Variants in RBM34 observed in about 807,000 individuals in gnomAD.
RBM34 encodes RNA binding motif protein 34.
Under a neutral mutation model 44.6 loss-of-function variants are expected in RBM34, and 39 were observed. That is an observed-to-expected ratio of 0.87 (90% confidence interval 0.68 to 1.14). The LOEUF (loss-of-function observed/expected upper bound fraction) is 1.14. Among genes scored for constraint, RBM34 ranks in the 50% most tolerant of loss-of-function variants. RBM34 has a pLI of 0.00. For synonymous variants in RBM34, 194 were observed against 184.0 expected (o/e 1.05, Z -0.44); for missense variants, 572 against 517.9 (o/e 1.10, Z -1.01).
At chr1:235,140,715 A>T (rs7533727) in intron 6 of RBM34, among the ~76,000 whole-genome samples, 25 of 152,376 alleles carry the variant, frequency 1.6e-4, no homozygotes, top group African/African-American at 6.0e-4. Context: ...CTCCACCTGC[A>T]GCCCCGGTGC....
intron 6 of RBM34, among the ~76,000 whole-genome samples, chr1:235,142,176 C>T (rs1025963934): frequency 1.3e-5 from 2 of 152,182 alleles, no homozygotes; most frequent in Admixed American, 6.5e-5. Context: ...GGGAAAAAAG[C>T]CCTGATCAGG....
intron 3 of RBM34, among the ~76,000 whole-genome samples, chr1:235,158,054 T>C (rs1662525615): frequency 6.8e-6 from 1 of 148,084 alleles, no homozygotes; most frequent in African/African-American, 2.5e-5. Flanking sequence ...ATGGGTTTTT[T>C]TTTTTGGCGG....
chr1:235,142,294 T>C (rs566140031), intron 6 of RBM34, among the ~76,000 whole-genome samples: 1 of 152,268 alleles, frequency 6.6e-6, no homozygotes, highest in African/African-American at 2.4e-5. Context: ...TTTTTTTATT[T>C]TGAGACGGAG....
chr1:235,142,956 T>C (rs1028713330), intron 6 of RBM34, among the ~76,000 whole-genome samples: 1 of 137,870 alleles, frequency 7.3e-6, no homozygotes, highest in Non-Finnish European at 1.6e-5. Context: ...AAGACACCTC[T>C]AAAAAAGCCA....
At chr1:235,135,476 G>A (rs1383640096) in intron 10 of RBM34, among the ~76,000 whole-genome samples, 176 bp downstream of exon 10, 3 of 151,866 alleles carry the variant, frequency 2.0e-5, no homozygotes, top group East Asian at 1.9e-4. Flanking sequence ...AGATTCACCC[G>A]TCTCGGCCTC....
intron 6 of RBM34, among the ~76,000 whole-genome samples, chr1:235,144,200 AAAAC>A (rs759131381): frequency 6.6e-6 from 1 of 152,080 alleles, no homozygotes; most frequent in Non-Finnish European, 1.5e-5. Flanking sequence ...CCCCCACAAA[AAAAC>A]AAACCTCAAA....
At chr1:235,140,325 C>G (rs1293583004) in intron 6 of RBM34, among the ~76,000 whole-genome samples, 1 of 152,130 alleles carries the variant, frequency 6.6e-6, no homozygotes, top group Non-Finnish European at 1.5e-5. Flanking sequence ...GCGGCGCTTG[C>G]GGGCCAGCTG....
chr1:235,147,046 CATA>C (rs1273574312), intron 6 of RBM34, among the ~76,000 whole-genome samples: 2 of 152,120 alleles, frequency 1.3e-5, no homozygotes, highest in African/African-American at 4.8e-5. Context: ...GCCTGAAAAA[CATA>C]ATGAGACTCT....
At chr1:235,157,574 G>C (rs1662504470) in intron 3 of RBM34, among the ~76,000 whole-genome samples, 2 of 152,176 alleles carry the variant, frequency 1.3e-5, no homozygotes, top group African/African-American at 4.8e-5. Context: ...TCAGGAGAGA[G>C]ATCACGGTGG....
chr1:235,160,669 T>C (rs974586672), intron 2 of RBM34, 22 bp from the exon 3 acceptor site: 5 of 1,606,338 alleles, frequency 3.1e-6, no homozygotes, highest in South Asian at 1.1e-5. Context: ...TTTGAAGTTA[T>C]ATTTGAGACC....
At chr1:235,132,306 TTTTTTTC>T (rs1661240893) in intron 10 of RBM34, among the ~76,000 whole-genome samples, 1 of 152,168 alleles carries the variant, frequency 6.6e-6, no homozygotes, top group Non-Finnish European at 1.5e-5. Context: ...CAATATTGGC[TTTTTTTC>T]TTTTTTCTTT....
At position 235,135,709 on chromosome 1, in the gene RBM34, C is replaced by G. The variant is rs1558136776; in HGVS notation, c.951G>C (p.Arg317Ser). Residue 317 changes from arginine to serine, a missense_variant, in exon 10 of 11, where the codon AGG becomes AGC. Transcript: ENST00000408888. ...TGCCTGTCATTTTGTCTCTCACAAT[C>G]CTCACGGCCATGATACTTCCACAGT... ...FLDCGSIMAV[R>S]IVRDKMTGIG... is the part of the protein sequence containing the mutation. 6.2e-7 allele frequency: 1 copy of G among 1,614,232 alleles called. No homozygotes were observed. Among genetic ancestry groups the G allele is most frequent in the Middle Eastern group, 1.6e-4 (1 of 6,062 alleles).
rs575914432 is a variant in RBM34 at position 235,157,920 on chromosome 1, C to T, written c.365+2591G>A. On this transcript the variant is annotated intron_variant, in intron 3 of 10. Coordinates refer to ENST00000408888, the MANE Select transcript of RBM34 (RefSeq NM_015014.4). ...AATAAAACCCACCACCACCAGAATC[C>T]AAGTGCGTGGAAGGGTGAACAGATC... is the stretch of plus-strand genomic sequence containing the variant. Among the ~76,000 whole-genome samples the T allele has an allele frequency of 2.8e-4, 42 of 152,228 alleles. 1 individual carries two copies. Among genetic ancestry groups the T allele is most frequent in the African/African-American group, 9.6e-4 (40 of 41,546 alleles).
At chr1:235,155,836 T>C (rs1456254177) in intron 3 of RBM34, among the ~76,000 whole-genome samples, 6 of 22,894 alleles carry the variant, frequency 2.6e-4, no homozygotes, top group African/African-American at 4.5e-4. Context: ...TATATATATA[T>C]ATATATATAT....
rs1011051309 is a variant in RBM34, at chr1:235,138,074, C to T, written c.785+17G>A. On this transcript the variant is annotated intron_variant, in intron 7 of 10. Transcript: ENST00000408888. ...TATAGGACAATTATTCTGTTCAAAC[C>T]TAAGGGATAAAATTACCTTTTCAAT... The T allele has an allele frequency of 1.9e-6, 3 of 1,590,538 alleles. No homozygotes were observed. Among genetic ancestry groups the T allele is most frequent in the Non-Finnish European group, 2.6e-6 (3 of 1,163,850 alleles).
intron 6 of RBM34, among the ~76,000 whole-genome samples, chr1:235,145,656 G>A (rs112129265): frequency 6.6e-6 from 1 of 152,188 alleles, no homozygotes; most frequent in Non-Finnish European, 1.5e-5. Flanking sequence ...ATCTCTACGA[G>A]ACAGCAGTCA....
intron 6 of RBM34, among the ~76,000 whole-genome samples, chr1:235,139,818 C>G (rs956918993): frequency 2.6e-5 from 4 of 152,228 alleles, no homozygotes; most frequent in Non-Finnish European, 5.9e-5. Context: ...AGCACTGGCT[C>G]TTCTGGCTCT....
In RBM34 at chr1:235,137,883, G is replaced by A; in HGVS notation, c.843C>T (p.Thr281=). 4 of 1,595,290 alleles carry A rather than the reference G, an allele frequency of 2.5e-6. No individual in the cohort carries two copies. Among genetic ancestry groups the A allele is most frequent in the Middle Eastern group, 1.7e-4 (1 of 5,860 alleles). The change falls in exon 8 of 11, where the codon ACC becomes ACT. Residue 281 remains threonine (T), a synonymous_variant. Transcript: ENST00000408888. The part of the protein sequence containing the change: ...FRIRVDLASE[T]SSRDKRSVFV... ...CAAATCAAGTACTACTTACAGATGA[G>A]GTCTCAGATGCGAGATCAACTCTAA...
intron 6 of RBM34, among the ~76,000 whole-genome samples, chr1:235,144,909 C>A (rs749077120): frequency 2.8e-4 from 42 of 152,026 alleles, no homozygotes; most frequent in African/African-American, 9.9e-4. Flanking sequence ...CCAGGTGTAG[C>A]GCACATGCCT....
Sources: allele counts gnomAD v4.1 joint callset (sites outside exome capture counted in the v4.1 genomes callset), GRCh38; gene constraint gnomAD v4.1.1; transcripts MANE v1.5; gene names NCBI Gene and HGNC (gene_info 2026-07-23, HGNC 2026-07-21).